The following RYR1 variants were observed in gnomAD, a reference collection of about 807,000 sequenced individuals.
RYR1 encodes the protein ryanodine receptor 1.
A neutral mutation model predicts 583.5 loss-of-function variants in RYR1; 342 were observed. That is an observed-to-expected ratio of 0.59 (90% CI 0.54 to 0.64). The LOEUF is 0.64. RYR1 is among the 30% of genes least tolerant of loss of function. The probability of loss-of-function intolerance (pLI) is 0.00; values close to 1 mark genes in which losing one functional copy is unlikely to be tolerated. For synonymous variants in RYR1, 2,791 were observed against 2,822.5 expected (o/e 0.99, Z 0.35); for missense variants, 6,032 against 6,917.2 (o/e 0.87, Z 4.54).
In RYR1 at chr19:38,565,197, CGGCGGCGGCGGG is replaced by C; in HGVS notation, c.12868_12879del (p.Ala4290_Ala4293del). On this transcript the variant is annotated inframe_deletion, in exon 91 of 106. Transcript: ENST00000359596. The surrounding 1 kb of genome is among the most constrained non-coding windows in gnomAD (Gnocchi z 4.7). The stretch of plus-strand genomic sequence containing the variant: ...GCGGGGCTCGAGGGCACGGCGGCCA[CGGCGGCGGCGGG>C]GGCGACGGCGCGGGTTGTGGCGGCC... The C allele has an allele frequency of 2.0e-6, 2 of 1,023,012 alleles. No homozygotes were observed. Among genetic ancestry groups the C allele is most frequent in the South Asian group, 4.4e-5 (1 of 22,506 alleles). 63.4% of individuals were successfully genotyped at this position (1,023,012 alleles called of 1,614,324 possible).
Position 38,473,450 on chromosome 19 carries a change from A to G in RYR1, c.3839A>G (p.Asn1280Ser), listed in dbSNP as rs1600729837. The change falls in exon 28 of 106, where the codon AAC (asparagine) becomes AGC (serine). Residue 1280 changes from asparagine to serine, a missense_variant. By Grantham distance (46) the Asn-to-Ser change is conservative. Coordinates refer to ENST00000359596, the MANE Select transcript of RYR1 (RefSeq NM_000540.3). ...ACCCACCGCACCTGGGGCTCCCAGA[A>G]CAGCCTGGTGGAGATGCTTTTCCTG... ...RLTHRTWGSQ[N>S]SLVEMLFLRL... 6.2e-7 allele frequency: 1 copy of G among 1,613,924 alleles called. No homozygotes were observed. The highest frequency in any genetic ancestry group is 8.5e-7 in the Non-Finnish European group (1 of 1,179,944).
chr19:38,493,595 C>T (rs1946891738), intron 38 of RYR1, among the ~76,000 whole-genome samples: 1 of 150,948 alleles, frequency 6.6e-6, no homozygotes, highest in South Asian at 2.1e-4. Context: ...TCTTGGCTCA[C>T]TGCAACCTCC....
chr19:38,498,121 C>T (rs1039949123), intron 42 of RYR1, among the ~76,000 whole-genome samples: 7 of 152,144 alleles, frequency 4.6e-5, no homozygotes. Flanking sequence ...AGGAGCAAAC[C>T]TCATAAGCTG....
chr19:38,506,630 G>A (rs1175455509), intron 56 of RYR1, 84 bp downstream of exon 56: 9 of 1,544,614 alleles, frequency 5.8e-6, no homozygotes, highest in Admixed American at 1.8e-5. Flanking sequence ...CCTGAAACTC[G>A]GTTTCTCCAT....
At chr19:38,492,449 A>G in intron 37 of RYR1, 41 bp from the exon 38 acceptor site, 1 of 1,612,690 alleles carries the variant, frequency 6.2e-7, no homozygotes, top group Non-Finnish European at 8.5e-7. Flanking sequence ...TGAATAAGCA[A>G]ACTAATGAAT....
intron 69 of RYR1, chr19:38,523,615 G>A (rs2145704660): frequency 1.7e-6 from 1 of 598,926 alleles, no homozygotes; most frequent in South Asian, 2.0e-5. Flanking sequence ...TCTTCTCCAA[G>A]CCTCTCTCTC....
Position 38,548,420 on chromosome 19 carries a change from G to A in RYR1, c.12282G>A (p.Lys4094=). The A allele has an allele frequency of 6.2e-7, 1 of 1,613,540 alleles. No homozygotes were observed. The change falls in exon 89 of 106, where the codon AAG becomes AAA. Residue 4094 remains lysine, a splice_region_variant and synonymous_variant. Coordinates refer to ENST00000359596, the MANE Select transcript of RYR1 (RefSeq NM_000540.3). The stretch of plus-strand genomic sequence containing the variant: ...TCATCTCCAAGAAGGACTTCCAGAA[G>A]GTGGGTGTGGGACATCGTGTGGGCC... ...RGLISKKDFQ[K]AMDSQKQFSG...
intron 48 of RYR1, 74 bp from the exon 49 acceptor site, chr19:38,502,806 G>T: frequency 1.9e-6 from 2 of 1,073,696 alleles, no homozygotes; most frequent in South Asian, 3.6e-5. Context: ...GGCAGGGGCA[G>T]GGGGAGGAGC....
chr19:38,564,718 G>T (rs542577636), intron 90 of RYR1, among the ~76,000 whole-genome samples: 2 of 152,236 alleles, frequency 1.3e-5, no homozygotes, highest in African/African-American at 4.8e-5. Context: ...GTTTCACCAT[G>T]TTGGCCAGGC....
intron 104 of RYR1, 49 bp downstream of exon 104, chr19:38,586,240 A>G (rs748339554): frequency 8.4e-6 from 13 of 1,539,824 alleles, no homozygotes; most frequent in South Asian, 1.1e-5. Flanking sequence ...ATGGCTGCCA[A>G]TAGCCAGCAG....
At chr19:38,552,745 G>A (rs1417231316) in intron 89 of RYR1, among the ~76,000 whole-genome samples, 1 of 152,120 alleles carries the variant, frequency 6.6e-6, no homozygotes, top group Non-Finnish European at 1.5e-5. Context: ...CACTTCCTGG[G>A]GGCTGGGCCC....
rs1349683678 is a variant in RYR1, at chr19:38,444,016, CAG to C, written c.425-128_425-127del. On this transcript the variant is annotated intron_variant, in intron 5 of 105. Transcript: ENST00000359596. The surrounding 1 kb of genome is among the most constrained non-coding windows in gnomAD (Gnocchi z 5.1). Reference sequence around the variant, plus strand: ...AAGTCAGGAACGGGGAACTGTTAGGCAGAGAGTTGGTGGCAGTGATAGGAGAG... The same window carrying C: ...AAGTCAGGAACGGGGAACTGTTAGGCAGAGTTGGTGGCAGTGATAGGAGAG... 4.7e-6 allele frequency: 4 copies of C among 854,034 alleles called. No homozygotes were observed. Among genetic ancestry groups the C allele is most frequent in the African/African-American group, 3.3e-5 (2 of 59,834 alleles). The allele number at this position is 854,034 out of a possible 1,614,324, so 52.9% of individuals were successfully genotyped here.
At chr19:38,449,137 CAG>C (rs1214446652) in intron 11 of RYR1, among the ~76,000 whole-genome samples, 1 of 152,014 alleles carries the variant, frequency 6.6e-6, no homozygotes, top group Non-Finnish European at 1.5e-5. Context: ...GGCATGGAAA[CAG>C]AGAAATAGAG....
chr19:38,473,371 C>A lies in RYR1; in HGVS notation c.3766-6C>A, dbSNP rs748186239. 9 of 1,613,652 alleles carry A rather than the reference C, an allele frequency of 5.6e-6. No individual in the cohort carries two copies. In the East Asian group the frequency reaches 1.8e-4, roughly 32 times the overall value. ...CAGCCCAGTACTCCATTCCCTGCCA[C>A]CTCAGGTATCCCGAGTGGACGGCAC... On this transcript the variant is annotated splice_polypyrimidine_tract_variant and splice_region_variant and intron_variant, in intron 27 of 105. Transcript: ENST00000359596.
chr19:38,501,973 G>A (rs892400971), intron 47 of RYR1, among the ~76,000 whole-genome samples: 1 of 148,332 alleles, frequency 6.7e-6, no homozygotes, highest in Non-Finnish European at 1.5e-5. Context: ...GCGACAGAGC[G>A]AGACCTTATC....
chr19:38,473,350 C>A (rs369882386), intron 27 of RYR1, 27 bp from the exon 28 acceptor site: 95 of 1,613,528 alleles, frequency 5.9e-5, no homozygotes, highest in Non-Finnish European at 7.7e-5. Context: ...CCTGCCCAGC[C>A]CAGTACTCCA....
At chr19:38,450,097 C>A (rs1308634787) in intron 11 of RYR1, among the ~76,000 whole-genome samples, 1 of 152,140 alleles carries the variant, frequency 6.6e-6, no homozygotes, top group Non-Finnish European at 1.5e-5. Flanking sequence ...AGGGAAGTGA[C>A]CTGACGCAGG....
chr19:38,581,157 A>C (rs573671577), intron 101 of RYR1, among the ~76,000 whole-genome samples: 10 of 151,986 alleles, frequency 6.6e-5, no homozygotes, highest in African/African-American at 2.4e-4. Context: ...AGCTCACTGC[A>C]AGCTCCGCCT....
intron 92 of RYR1, among the ~76,000 whole-genome samples, chr19:38,567,522 C>A (rs1040092497): frequency 1.3e-5 from 2 of 152,110 alleles, no homozygotes; most frequent in African/African-American, 4.8e-5. Context: ...CCCACAACCC[C>A]CTGAGCTTCC....
Sources: gnomAD v4.1 joint callset for allele counts (sites outside exome capture counted in the v4.1 genomes callset) on GRCh38, gnomAD v4.1.1 for gene constraint, Gnocchi (gnomAD v3.1) non-coding constraint, MANE v1.5 for transcripts, NCBI Gene and HGNC (gene_info 2026-07-23, HGNC 2026-07-21) for gene names.